Variants in KHDRBS2 observed in about 807,000 individuals in gnomAD.
The protein encoded by KHDRBS2 is KH domain-containing, RNA-binding, signal transduction-associated protein 2.
A neutral mutation model predicts 44.3 loss-of-function variants in KHDRBS2; 26 were observed. The ratio of observed to expected loss-of-function variants is 0.59; its 90% confidence interval spans 0.43 to 0.81. The LOEUF is 0.81. KHDRBS2 is among the 40% of genes least tolerant of loss of function. The probability of loss-of-function intolerance (pLI) is 0.00; values close to 1 mark genes in which losing one functional copy is unlikely to be tolerated. For missense variants in KHDRBS2, 476 were observed against 433.1 expected, an observed-to-expected ratio of 1.10 and a Z score of -0.88; for synonymous variants, 194 against 151.1, an observed-to-expected ratio of 1.28 and a Z score of -2.08.
At chr6:61,844,134 C>T (rs1794022553) in intron 6 of KHDRBS2, among the ~76,000 whole-genome samples, 1 of 152,068 alleles carries the variant, frequency 6.6e-6, no homozygotes, top group Admixed American at 6.6e-5. Flanking sequence ...AAAGTTCTAC[C>T]TCCCAGGCAA....
At chr6:62,082,225 G>C (rs1323843929) in intron 2 of KHDRBS2, among the ~76,000 whole-genome samples, 1 of 151,664 alleles carries the variant, frequency 6.6e-6, no homozygotes, top group Non-Finnish European at 1.5e-5. Flanking sequence ...GAAACAAAAT[G>C]ATTAAAGATT....
the KHDRBS2 span, among the ~76,000 whole-genome samples, chr6:61,587,987 C>T: frequency 6.6e-6 from 1 of 152,164 alleles, no homozygotes; most frequent in Non-Finnish European, 1.5e-5. Flanking sequence ...TCTTTTGTCA[C>T]CAATTTCTAG....
At chr6:62,110,261 A>T (rs574062183) in intron 2 of KHDRBS2, among the ~76,000 whole-genome samples, 1 of 152,208 alleles carries the variant, frequency 6.6e-6, no homozygotes, top group Admixed American at 6.6e-5. Context: ...TTGGAAAACA[A>T]TCTCACAATT....
intron 6 of KHDRBS2, among the ~76,000 whole-genome samples, chr6:61,860,734 C>A (rs1796826677): frequency 6.6e-6 from 1 of 151,974 alleles, no homozygotes; most frequent in Admixed American, 6.6e-5. Flanking sequence ...GGTATATATC[C>A]AGTAATGAAA....
intron 7 of KHDRBS2, among the ~76,000 whole-genome samples, chr6:61,718,668 G>T (rs75835289): frequency 6.6e-6 from 1 of 152,060 alleles, no homozygotes; most frequent in Non-Finnish European, 1.5e-5. Flanking sequence ...ACTTCCTCCT[G>T]TAGGATGGCC....
At chr6:62,072,746 T>C (rs1447346201) in intron 2 of KHDRBS2, among the ~76,000 whole-genome samples, 2 of 152,212 alleles carry the variant, frequency 1.3e-5, no homozygotes, top group Non-Finnish European at 2.9e-5. Flanking sequence ...GGTTTGCCAT[T>C]ATTTTATTGA....
chr6:61,657,031 G>C, the KHDRBS2 span, among the ~76,000 whole-genome samples: 1 of 151,816 alleles, frequency 6.6e-6, no homozygotes, highest in African/African-American at 2.4e-5. Context: ...GAAAGGAGTG[G>C]GGAAGCCGAA....
At chr6:62,265,805 T>C (rs568977161) in intron 1 of KHDRBS2, among the ~76,000 whole-genome samples, 2 of 152,122 alleles carry the variant, frequency 1.3e-5, no homozygotes, top group African/African-American at 4.8e-5. Context: ...AAAGAAAAGA[T>C]TGTCACTCCC....
At chr6:62,178,157 A>G (rs1262916945) in intron 1 of KHDRBS2, among the ~76,000 whole-genome samples, 1 of 151,496 alleles carries the variant, frequency 6.6e-6, no homozygotes, top group African/African-American at 2.4e-5. Flanking sequence ...TTAAGAATAC[A>G]AAGGAGACTC....
intron 2 of KHDRBS2, among the ~76,000 whole-genome samples, chr6:62,072,012 T>G (rs1213818297): frequency 6.6e-6 from 1 of 152,178 alleles, no homozygotes; most frequent in Non-Finnish European, 1.5e-5. Flanking sequence ...ACTCTTTTAT[T>G]TCCTTGAGCA....
intron 7 of KHDRBS2, among the ~76,000 whole-genome samples, chr6:61,726,026 G>C (rs1016115254): frequency 6.6e-6 from 1 of 152,096 alleles, no homozygotes; most frequent in African/African-American, 2.4e-5. Flanking sequence ...TATCCCTGCT[G>C]AACATCAATG....
chr6:61,842,551 A>G (rs957815067), intron 6 of KHDRBS2, among the ~76,000 whole-genome samples: 1 of 152,208 alleles, frequency 6.6e-6, no homozygotes, highest in African/African-American at 2.4e-5. Flanking sequence ...GTATGCTTCT[A>G]AATTTTCTGG....
chr6:62,086,419 G>C (rs2127359499), intron 2 of KHDRBS2, among the ~76,000 whole-genome samples: 1 of 152,258 alleles, frequency 6.6e-6, no homozygotes, highest in African/African-American at 2.4e-5. Context: ...CAAAATTATA[G>C]AGAATGTATA....
At chr6:61,810,450 A>G (rs1253257713) in intron 6 of KHDRBS2, among the ~76,000 whole-genome samples, 1 of 152,092 alleles carries the variant, frequency 6.6e-6, no homozygotes. Context: ...GCCAGTGTTA[A>G]TTTCTCCAGA....
At chr6:61,564,229 A>T in the KHDRBS2 span, among the ~76,000 whole-genome samples, 2 of 152,138 alleles carry the variant, frequency 1.3e-5, no homozygotes, top group African/African-American at 4.8e-5. Flanking sequence ...GCATTTTATT[A>T]AGCATCTACC....
intron 8 of KHDRBS2, among the ~76,000 whole-genome samples, chr6:61,690,774 C>G (rs796603457): frequency 1.2e-4 from 19 of 152,080 alleles, no homozygotes; most frequent in African/African-American, 4.6e-4. Flanking sequence ...ATGACTGGCA[C>G]AGTTTGGCAA....
At chr6:61,687,740 G>A (rs1296573435) in intron 8 of KHDRBS2, among the ~76,000 whole-genome samples, 2 of 151,688 alleles carry the variant, frequency 1.3e-5, no homozygotes, top group East Asian at 3.9e-4. Context: ...CTGTGCCTAA[G>A]CTTAGTTGGT....
chr6:61,770,968 T>C (rs1455550790), intron 6 of KHDRBS2, among the ~76,000 whole-genome samples: 1 of 152,164 alleles, frequency 6.6e-6, no homozygotes, highest in Non-Finnish European at 1.5e-5. Context: ...GGGAAGCCCA[T>C]CAGACTAACA....
At chr6:62,025,873 A>C (rs955142760) in intron 3 of KHDRBS2, among the ~76,000 whole-genome samples, 3 of 152,056 alleles carry the variant, frequency 2.0e-5, no homozygotes, top group Non-Finnish European at 4.4e-5. Context: ...TTTAGACATA[A>C]ACTTTAATTA....
Sources: gnomAD v4.1 joint callset for allele counts (sites outside exome capture counted in the v4.1 genomes callset) on GRCh38, gnomAD v4.1.1 for gene constraint, MANE v1.5 for transcripts, NCBI Gene and HGNC (gene_info 2026-07-23, HGNC 2026-07-21) for gene names.